The following ERP44 variants were observed in gnomAD, a reference collection of about 807,000 sequenced individuals.
ERP44 encodes the protein endoplasmic reticulum resident protein 44.
A neutral mutation model predicts 53.4 loss-of-function variants in ERP44; 25 were observed. That is an observed-to-expected ratio of 0.47 (90% CI 0.34 to 0.65). The LOEUF is 0.65. Ranked by LOEUF, ERP44 falls within the 30% of genes least tolerant of loss-of-function variation. The probability of loss-of-function intolerance (pLI) is 0.01; values close to 1 mark genes in which losing one functional copy is unlikely to be tolerated. For missense variants in ERP44, 338 were observed against 493.2 expected, an observed-to-expected ratio of 0.69 and a Z score of 2.98; for synonymous variants, 145 against 161.2, an observed-to-expected ratio of 0.90 and a Z score of 0.76.
At chr9:100,029,093 G>A (rs1825743032) in intron 4 of ERP44, among the ~76,000 whole-genome samples, 1 of 152,114 alleles carries the variant, frequency 6.6e-6, no homozygotes, top group Non-Finnish European at 1.5e-5. Flanking sequence ...AGAAAACATA[G>A]GGGAAATGCT....
Position 100,022,234 on chromosome 9 carries a change from A to G in ERP44, c.287-8T>C, listed in dbSNP as rs1830599557. 6.2e-7 allele frequency: 1 copy of G among 1,601,698 alleles called. No individual in the cohort carries two copies. The highest frequency in any genetic ancestry group is 1.3e-5 in the African/African-American group (1 of 74,124). On this transcript the variant is annotated splice_polypyrimidine_tract_variant and splice_region_variant and intron_variant, in intron 4 of 11. Transcript: ENST00000262455. The stretch of plus-strand genomic sequence containing the variant: ...ATCTCTGGGCTATGTCAGCTAAAAG[A>G]ATGAAAAAAAATTATTTACCCTCAT...
chr9:100,061,396 A>AT (rs948733571), intron 1 of ERP44, among the ~76,000 whole-genome samples: 11 of 151,464 alleles, frequency 7.3e-5, no homozygotes, highest in South Asian at 6.2e-4. Context: ...GTGAGCTGAG[A>AT]TTGCACCACT....
chr9:100,016,224 C>T, intron 8 of ERP44, 98 bp downstream of exon 8: 1 of 1,474,874 alleles, frequency 6.8e-7, no homozygotes, highest in Non-Finnish European at 9.0e-7. Context: ...ATGATTCTTA[C>T]AATTCATAAC....
At chr9:100,044,167 T>A (rs988779606) in intron 4 of ERP44, among the ~76,000 whole-genome samples, 4 of 152,208 alleles carry the variant, frequency 2.6e-5, no homozygotes, top group African/African-American at 9.6e-5. Flanking sequence ...ATGATAACTG[T>A]AGTGCCTACA....
At chr9:99,996,858 A>T (rs1207552626) in intron 10 of ERP44, among the ~76,000 whole-genome samples, 2 of 93,972 alleles carry the variant, frequency 2.1e-5, no homozygotes, top group Non-Finnish European at 4.2e-5. Context: ...AATGCTGTTC[A>T]TTCCTTTTTA....
chr9:100,056,642 ATGGCATCTAATCTAAGACTTGAAAG>A (rs1260375436), intron 3 of ERP44, among the ~76,000 whole-genome samples: 1 of 152,202 alleles, frequency 6.6e-6, no homozygotes. Context: ...CCTGAAGAAA[ATGGCATCTAATCTAAGACTTGAAAG>A]ATTAGAACTT....
At chr9:99,994,565 T>G (rs1172980094) in intron 10 of ERP44, among the ~76,000 whole-genome samples, 1 of 152,052 alleles carries the variant, frequency 6.6e-6, no homozygotes, top group African/African-American at 2.4e-5. Context: ...GACGAGTTAA[T>G]GGGTGCAGCA....
intron 8 of ERP44, among the ~76,000 whole-genome samples, chr9:100,009,889 C>G (rs142123069): frequency 3.3e-5 from 5 of 152,214 alleles, no homozygotes; most frequent in African/African-American, 1.2e-4. Context: ...GACGTAATGC[C>G]GCTTCTCTAA....
At position 99,984,987 on chromosome 9, in the gene ERP44, T is replaced by C; in HGVS notation, c.1099A>G (p.Thr367Ala). 6.2e-7 allele frequency: 1 copy of C among 1,611,724 alleles called. No individual in the cohort carries two copies. Among genetic ancestry groups the C allele is most frequent in the Non-Finnish European group, 8.5e-7 (1 of 1,177,962 alleles). The change falls in exon 11 of 12, where the codon ACT becomes GCT. Residue 367 changes from threonine (T) to alanine (A), a missense_variant. This residue lies in a region of ERP44 where 113 missense variants were observed against 172.6 expected (regional missense o/e 0.65). Transcript: ENST00000262455. ...HREFHHGPDP[T>A]DTAPGEQAQD... ...CCTACCTCTCCTGGGGCTGTATCAG[T>C]TGGGTCAGGTCCATGATGGAATTCT...
In ERP44 at chr9:100,098,927, G is replaced by A. The variant is rs1826704587; in HGVS notation, c.-87C>T. 9.6e-7 allele frequency: 1 copy of A among 1,044,988 alleles called. No homozygotes were observed. Among genetic ancestry groups the A allele is most frequent in the Non-Finnish European group, 1.5e-6 (1 of 688,580 alleles). The allele number at this position is 1,044,988 out of a possible 1,614,324, so 64.7% of individuals were successfully genotyped here. A position where few individuals can be genotyped will look rare whatever the true frequency, so the allele number is the denominator to read the frequency against. The stretch of plus-strand genomic sequence containing the variant: ...TGGGTTAGGAAAGGGCTGGGCTCCG[G>A]GAGCCGACGGCAGCGGAGGATTCTC... On this transcript the variant is annotated 5_prime_UTR_variant, in exon 1 of 12. Coordinates refer to ENST00000262455, the MANE Select transcript of ERP44 (RefSeq NM_015051.3).
At chr9:100,070,486 G>A (rs949303823) in intron 1 of ERP44, among the ~76,000 whole-genome samples, 1 of 152,210 alleles carries the variant, frequency 6.6e-6, no homozygotes, top group African/African-American at 2.4e-5. Context: ...TAAACCATGA[G>A]ATTACTTGTA....
At chr9:100,075,805 G>A (rs1826348944) in intron 1 of ERP44, among the ~76,000 whole-genome samples, 2 of 152,178 alleles carry the variant, frequency 1.3e-5, no homozygotes, top group African/African-American at 4.8e-5. Flanking sequence ...TCTTTTGGGT[G>A]TATTACTCCA....
At chr9:100,070,854 C>T (rs902033313) in intron 1 of ERP44, among the ~76,000 whole-genome samples, 4 of 152,052 alleles carry the variant, frequency 2.6e-5, no homozygotes, top group Non-Finnish European at 5.9e-5. Context: ...TTGGCCTCCC[C>T]CCAGAAGTAG....
chr9:100,004,239 C>T (rs1268799968), intron 10 of ERP44, among the ~76,000 whole-genome samples: 1 of 152,128 alleles, frequency 6.6e-6, no homozygotes, highest in East Asian at 1.9e-4. Flanking sequence ...AAGTGTAGTC[C>T]TAGAACTTGG....
At position 100,002,170 on chromosome 9, in the gene ERP44, A is replaced by AT. The variant is rs552898976; in HGVS notation, c.1016+4335dup. On this transcript the variant is annotated intron_variant, in intron 10 of 11. Coordinates refer to ENST00000262455, the MANE Select transcript of ERP44 (RefSeq NM_015051.3). ...TACACTTTTACTCTACCCTCCTCAC[A>AT]TTTTAAATTTCTGGTGTCATAATTT... 6.6e-5 allele frequency among the ~76,000 whole-genome samples: 10 copies of AT among 150,462 alleles called. No homozygotes were observed. The South Asian group carries it at 2.1e-3, about 31-fold the overall frequency.
chr9:99,997,479 C>A (rs1327468456), intron 10 of ERP44, among the ~76,000 whole-genome samples: 1 of 152,032 alleles, frequency 6.6e-6, no homozygotes, highest in Non-Finnish European at 1.5e-5. Context: ...TTAACAATTT[C>A]ACTGAAAGGA....
Position 100,016,321 on chromosome 9 carries a change from C to A in ERP44, c.762+1G>T. On this transcript the variant is annotated splice_donor_variant, in intron 8 of 11. Coordinates refer to ENST00000262455, the MANE Select transcript of ERP44 (RefSeq NM_015051.3). LOFTEE classifies it high-confidence loss of function. ...AACAATGCACAGTAGAAAGCCCATACCTCTCCATTTTCAAATGTTATTTCT... is the reference window on the plus strand; with the variant it reads ...AACAATGCACAGTAGAAAGCCCATAACTCTCCATTTTCAAATGTTATTTCT... 1 of 1,607,130 alleles carries A rather than the reference C, an allele frequency of 6.2e-7. No individual in the cohort carries two copies. Among genetic ancestry groups the A allele is most frequent in the Non-Finnish European group, 8.5e-7 (1 of 1,177,802 alleles).
chr9:100,004,746 T>C (rs1007758254), intron 10 of ERP44, among the ~76,000 whole-genome samples: 3 of 152,216 alleles, frequency 2.0e-5, no homozygotes, highest in African/African-American at 7.2e-5. Context: ...CTACTATCTC[T>C]GACCTGGTTT....
chr9:100,084,009 CAGAT>C (rs1467294912), intron 1 of ERP44, among the ~76,000 whole-genome samples: 1 of 152,032 alleles, frequency 6.6e-6, no homozygotes, highest in Non-Finnish European at 1.5e-5. Flanking sequence ...GACGGACAGA[CAGAT>C]GGAACTACTG....
Sources: allele counts gnomAD v4.1 joint callset (sites outside exome capture counted in the v4.1 genomes callset), GRCh38; gene constraint gnomAD v4.1.1; regional missense constraint gnomAD v4.1.1; transcripts MANE v1.5; gene names NCBI Gene and HGNC (gene_info 2026-07-23, HGNC 2026-07-21).